ZNF385D: variants seen among roughly 807,000 people sequenced by gnomAD.
ZNF385D encodes the protein zinc finger protein 659.
A neutral mutation model predicts 35.8 loss-of-function variants in ZNF385D; 15 were observed. That is an observed-to-expected ratio of 0.42 (90% CI 0.28 to 0.64). The LOEUF is 0.64. Ranked by LOEUF, ZNF385D falls within the 30% of genes least tolerant of loss-of-function variation. The probability of loss-of-function intolerance (pLI) is 0.23; values close to 1 mark genes in which losing one functional copy is unlikely to be tolerated. For synonymous variants in ZNF385D, 212 were observed against 186.8 expected (o/e 1.13, Z -1.10); for missense variants, 474 against 494.6 (o/e 0.96, Z 0.39).
At chr3:21,585,603 A>G (rs976867448) in intron 2 of ZNF385D, among the ~76,000 whole-genome samples, 1 of 152,178 alleles carries the variant, frequency 6.6e-6, no homozygotes, top group Non-Finnish European at 1.5e-5. Flanking sequence ...CTGGCTGCCT[A>G]CGCACCTCCA....
intron 1 of ZNF385D, among the ~76,000 whole-genome samples, chr3:21,728,537 T>C (rs913161554): frequency 6.6e-6 from 1 of 152,198 alleles, no homozygotes; most frequent in African/African-American, 2.4e-5. Flanking sequence ...CCTGAATTTG[T>C]GATGATCAAA....
rs751739275 is a variant in ZNF385D, at chr3:21,437,701, C to CAAA, written c.440-501_440-499dup. On this transcript the variant is annotated intron_variant, in intron 4 of 7. Transcript: ENST00000281523. ...ACAGATCCTTTTGCAAATGCTTATA[C>CAAA]AAAAAAAAAAAAAAAAAACCGGAAC... Among the ~76,000 whole-genome samples the CAAA allele has an allele frequency of 9.7e-3, 746 of 77,200 alleles. 73 individuals are homozygous for CAAA. In the Admixed American group the frequency reaches 0.1, roughly 11 times the overall value. 50.6% of individuals were successfully genotyped at this position (77,200 alleles called of 152,430 possible).
chr3:22,063,225 A>G (rs1327641367), intron 3 of ZNF385D, among the ~76,000 whole-genome samples: 2 of 152,152 alleles, frequency 1.3e-5, no homozygotes, highest in African/African-American at 4.8e-5. Context: ...TATCTATTTC[A>G]CTGGTTTACT....
intron 3 of ZNF385D, among the ~76,000 whole-genome samples, chr3:21,536,406 T>C (rs912187051): frequency 5.3e-5 from 8 of 152,114 alleles, no homozygotes; most frequent in African/African-American, 1.9e-4. Context: ...TTTCTCCTAA[T>C]GTTGTCTCCA....
At chr3:21,494,216 G>A (rs163480) in intron 4 of ZNF385D, among the ~76,000 whole-genome samples, 118,722 of 152,128 alleles carry the variant, frequency 0.78, 46,466 homozygotes, top group East Asian at 0.88. Flanking sequence ...AATGTAAACC[G>A]AGAAAAAGAC....
chr3:22,273,896 T>C (rs1472840219), intron 2 of ZNF385D, among the ~76,000 whole-genome samples: 1 of 151,968 alleles, frequency 6.6e-6, no homozygotes, highest in Non-Finnish European at 1.5e-5. Flanking sequence ...ATATGGACAA[T>C]GGTTTTCCAT....
At chr3:22,324,087 A>C (rs960918534) in intron 2 of ZNF385D, among the ~76,000 whole-genome samples, 2 of 151,970 alleles carry the variant, frequency 1.3e-5, no homozygotes, top group African/African-American at 2.4e-5. Context: ...TTGTGCTAAA[A>C]AATAATTATA....
intron 3 of ZNF385D, among the ~76,000 whole-genome samples, chr3:21,931,968 C>T (rs1701030010): frequency 6.6e-6 from 1 of 151,578 alleles, no homozygotes; most frequent in Non-Finnish European, 1.5e-5. Flanking sequence ...AAGATCGAGA[C>T]CATCCTGGCT....
At chr3:21,445,733 C>T (rs1423387052) in intron 4 of ZNF385D, among the ~76,000 whole-genome samples, 1 of 152,132 alleles carries the variant, frequency 6.6e-6, no homozygotes, top group Non-Finnish European at 1.5e-5. Flanking sequence ...ATGCTGCTGC[C>T]ATCAAATTTG....
At chr3:22,021,863 G>C (rs960965716) in intron 3 of ZNF385D, among the ~76,000 whole-genome samples, 3 of 152,054 alleles carry the variant, frequency 2.0e-5, no homozygotes, top group African/African-American at 4.8e-5. Flanking sequence ...AATTAGTCTA[G>C]GATGCGGCCT....
chr3:21,642,076 T>C (rs117188159), intron 2 of ZNF385D, among the ~76,000 whole-genome samples: 1 of 152,234 alleles, frequency 6.6e-6, no homozygotes. Context: ...AATAAAAGAT[T>C]AGGTTGTGGT....
chr3:22,331,819 A>T (rs1205017123), intron 2 of ZNF385D, among the ~76,000 whole-genome samples: 2 of 152,194 alleles, frequency 1.3e-5, no homozygotes, highest in Non-Finnish European at 2.9e-5. Flanking sequence ...TGACATAATA[A>T]TTGAATTCGT....
At chr3:21,886,649 G>C (rs1255818071) in intron 3 of ZNF385D, among the ~76,000 whole-genome samples, 4 of 152,118 alleles carry the variant, frequency 2.6e-5, no homozygotes, top group Admixed American at 6.6e-5. Context: ...GAACTGGAGT[G>C]CATCTGTAGA....
intron 4 of ZNF385D, among the ~76,000 whole-genome samples, chr3:21,501,002 G>A (rs1706315701): frequency 6.6e-6 from 1 of 152,148 alleles, no homozygotes; most frequent in African/African-American, 2.4e-5. Flanking sequence ...ATCCCCACGT[G>A]TGTAGAACAT....
intron 3 of ZNF385D, among the ~76,000 whole-genome samples, chr3:21,916,290 G>A (rs1263441771): frequency 6.6e-6 from 1 of 152,072 alleles, no homozygotes; most frequent in African/African-American, 2.4e-5. Flanking sequence ...CAAATATCAT[G>A]TATACTTTTT....
At chr3:22,203,466 A>G (rs1177379617) in intron 2 of ZNF385D, among the ~76,000 whole-genome samples, 2 of 152,140 alleles carry the variant, frequency 1.3e-5, no homozygotes, top group African/African-American at 2.4e-5. Flanking sequence ...TCTTCTTGAG[A>G]AAAGCAGAGG....
At chr3:21,940,747 A>G (rs974394837) in intron 3 of ZNF385D, among the ~76,000 whole-genome samples, 7 of 152,332 alleles carry the variant, frequency 4.6e-5, no homozygotes, top group African/African-American at 1.7e-4. Context: ...TAAAGAGTTC[A>G]TATACAGTGG....
intron 1 of ZNF385D, among the ~76,000 whole-genome samples, chr3:21,747,549 C>A (rs972589822): frequency 2.0e-5 from 3 of 152,206 alleles, no homozygotes; most frequent in Admixed American, 2.0e-4. Context: ...TTGACATGAC[C>A]ACTGGCAACG....
At chr3:22,098,839 G>C (rs1701771380) in intron 3 of ZNF385D, among the ~76,000 whole-genome samples, 1 of 151,826 alleles carries the variant, frequency 6.6e-6, no homozygotes. Flanking sequence ...TGATAGAGTA[G>C]AAAAACAGGC....
Sources: gnomAD v4.1 joint callset for allele counts (sites outside exome capture counted in the v4.1 genomes callset) on GRCh38, gnomAD v4.1.1 for gene constraint, MANE v1.5 for transcripts, NCBI Gene and HGNC (gene_info 2026-07-23, HGNC 2026-07-21) for gene names.